Variants in GFI1B observed in about 807,000 individuals in gnomAD.
GFI1B encodes growth factor independent 1B transcriptional repressor.
In GFI1B, 20 loss-of-function variants were observed where a neutral mutation model predicts 35.3. That is an observed-to-expected ratio of 0.57 (90% CI 0.40 to 0.82). The LOEUF is 0.82. Ranked by LOEUF, GFI1B falls within the 40% of genes least tolerant of loss-of-function variation. The pLI is 0.00. For missense variants in GFI1B, 430 were observed against 446.3 expected (o/e 0.96, Z 0.33); for synonymous variants, 178 against 177.6 (o/e 1.00, Z -0.02).
At position 132,989,141 on chromosome 9, in the gene GFI1B, C is replaced by T. The variant is rs139313847; in HGVS notation, c.591C>T (p.Cys197=). Residue 197 remains cysteine, a synonymous_variant, in exon 5 of 7, where the codon TGC becomes TGT. Transcript: ENST00000372122. This position sits in a 1 kb window ranked among gnomAD's most constrained non-coding sequence, Gnocchi z 6.2. ...CCCGGCCCTTCGCCTGTGACATCTG[C>T]GGCAAAACCTTCGGCCACGCTGTGA... ...SGTRPFACDI[C]GKTFGHAVSL... is the part of the protein sequence containing the mutation. 6.0e-5 allele frequency: 97 copies of T among 1,613,758 alleles called. No homozygotes were observed. The highest frequency in any genetic ancestry group is 3.1e-4 in the African/African-American group (23 of 74,924).
chr9:132,952,219 T>G (rs1170800405), intron 1 of GFI1B: 3 of 152,220 alleles, frequency 2.0e-5, no homozygotes, highest in South Asian at 2.1e-4. Context: ...CTAGTTGAAC[T>G]CTCTAATTTT....
chr9:132,991,627 G>A lies in GFI1B; in HGVS notation c.*577G>A, dbSNP rs1370721337. 1 of 158,888 alleles carries A rather than the reference G, an allele frequency of 6.3e-6. No individual in the cohort carries two copies. The highest frequency in any genetic ancestry group is 1.4e-5 in the Non-Finnish European group (1 of 71,712). The allele number at this position is 158,888 out of a possible 1,614,324, so 9.8% of individuals were successfully genotyped here. On this transcript the variant is annotated 3_prime_UTR_variant, in exon 7 of 7. Coordinates refer to ENST00000372122, the MANE Select transcript of GFI1B (RefSeq NM_001377304.1). ...CCAGGCCGTGAGGCTGGAGAAACTG[G>A]CAGTTATTGCTGTCAAAAGCCTGTT...
chr9:132,973,546 A>C (rs1186442441), intron 2 of GFI1B, among the ~76,000 whole-genome samples: 1 of 152,218 alleles, frequency 6.6e-6, no homozygotes, highest in Non-Finnish European at 1.5e-5. Flanking sequence ...ACAGGAATCC[A>C]AGGGTCGTCA....
chr9:132,985,595 G>C (rs1224198819), intron 1 of GFI1B, among the ~76,000 whole-genome samples: 1 of 152,202 alleles, frequency 6.6e-6, no homozygotes, highest in African/African-American at 2.4e-5. Flanking sequence ...GCCGTGCTCT[G>C]GCGGCTGTGG....
intron 1 of GFI1B, among the ~76,000 whole-genome samples, chr9:132,983,349 A>T (rs1459973207): frequency 6.6e-6 from 1 of 151,890 alleles, no homozygotes; most frequent in Non-Finnish European, 1.5e-5. Context: ...GGCAAGTGCC[A>T]CCATGCCCGG....
upstream of GFI1B, among the ~76,000 whole-genome samples, chr9:132,977,543 C>T (rs1266298538): frequency 6.6e-6 from 1 of 152,202 alleles, no homozygotes; most frequent in Non-Finnish European, 1.5e-5. Flanking sequence ...ATAATATCTC[C>T]AGCACCCGGG....
intron 1 of GFI1B, chr9:132,952,909 AC>A (rs981917172): frequency 6.6e-6 from 1 of 152,246 alleles, no homozygotes; most frequent in African/African-American, 2.4e-5. Flanking sequence ...GTACACAGAT[AC>A]ATTTTTTTGA....
rs1418256970 is a variant in GFI1B, at chr9:132,988,395, C to A, written c.437C>A (p.Thr146Asn). 1.2e-6 allele frequency: 2 copies of A among 1,614,156 alleles called. No homozygotes were observed. The highest frequency in any genetic ancestry group is 1.7e-6 in the Non-Finnish European group (2 of 1,179,978). The change falls in exon 4 of 7, where the codon ACT becomes AAT. Residue 146 changes from threonine to asparagine, a missense_variant. Physicochemically the swap from Thr to Asn is moderately conservative, Grantham distance 65. Transcript: ENST00000372122. ...TACGGCAGTCCTCTTGTGCCCAGCA[C>A]TGAGCCCGCCTTGGACTTCAGCCTC... ...SLYGSPLVPS[T>N]EPALDFSLRY... is the part of the protein sequence containing the mutation.
intron 1 of GFI1B, among the ~76,000 whole-genome samples, chr9:132,961,829 G>A (rs146182692): frequency 0.013 from 1,987 of 151,954 alleles, 52 homozygotes; most frequent in African/African-American, 0.045. Context: ...CTGACCTCGT[G>A]ATCTGCCTGC....
intron 1 of GFI1B, among the ~76,000 whole-genome samples, chr9:132,982,773 C>T (rs1682126868): frequency 6.6e-6 from 1 of 151,948 alleles, no homozygotes; most frequent in Non-Finnish European, 1.5e-5. Flanking sequence ...CTCTGTGAGC[C>T]AGAGGGCTTG....
chr9:132,960,886 C>G (rs1171692450), intron 1 of GFI1B, among the ~76,000 whole-genome samples: 3 of 151,836 alleles, frequency 2.0e-5, no homozygotes, highest in African/African-American at 7.3e-5. Flanking sequence ...CTCTACACAC[C>G]CCCAGCAATA....
upstream of GFI1B, chr9:132,976,649 C>A (rs1848640107): frequency 6.6e-6 from 1 of 152,028 alleles, no homozygotes; most frequent in Non-Finnish European, 1.5e-5. Context: ...GAGTCTATAC[C>A]CAGAAGTAGA....
At chr9:132,945,579 C>G (rs1295388368) in exon 1 of GFI1B, 1 of 154,120 alleles carries the variant, frequency 6.5e-6, no homozygotes, top group Non-Finnish European at 1.5e-5. Context: ...GGGCTCCATC[C>G]AGCACGAACA....
intron 1 of GFI1B, among the ~76,000 whole-genome samples, chr9:132,983,292 G>A (rs554425516): frequency 1.3e-5 from 2 of 150,124 alleles, no homozygotes; most frequent in African/African-American, 4.9e-5. Context: ...CGCCTCCCGG[G>A]TTCAAGCGAT....
At chr9:132,969,913 T>C (rs891685721) in intron 1 of GFI1B, among the ~76,000 whole-genome samples, 1 of 152,162 alleles carries the variant, frequency 6.6e-6, no homozygotes, top group Admixed American at 6.5e-5. Flanking sequence ...GAAAATTTCA[T>C]GAAACAGTTA....
chr9:132,983,738 A>T (rs941855893), intron 1 of GFI1B, among the ~76,000 whole-genome samples: 1 of 152,206 alleles, frequency 6.6e-6, no homozygotes. Context: ...TGCTGTTTTC[A>T]TCCCTAGCAC....
At chr9:132,969,058 T>C (rs2132606970) in intron 1 of GFI1B, among the ~76,000 whole-genome samples, 1 of 152,148 alleles carries the variant, frequency 6.6e-6, no homozygotes, top group African/African-American at 2.4e-5. Context: ...AGACAGAGTC[T>C]CACTCTGTCT....
chr9:132,974,661 G>A (rs188648719), upstream of GFI1B, among the ~76,000 whole-genome samples: 117 of 150,014 alleles, frequency 7.8e-4, 1 homozygote, highest in Admixed American at 4.4e-3. Flanking sequence ...AAGTGTGAAT[G>A]CTAAGAAGAA....
chr9:132,948,545 C>T (rs964862504), intron 1 of GFI1B, among the ~76,000 whole-genome samples: 2 of 152,196 alleles, frequency 1.3e-5, no homozygotes, highest in African/African-American at 4.8e-5. Context: ...ACTCTGTGCC[C>T]GAAGTTCATC....
Sources: allele counts gnomAD v4.1 joint callset (sites outside exome capture counted in the v4.1 genomes callset), GRCh38; gene constraint gnomAD v4.1.1; non-coding constraint Gnocchi (gnomAD v3.1); transcripts MANE v1.5; gene names NCBI Gene and HGNC (gene_info 2026-07-23, HGNC 2026-07-21).